MYO9A: variants seen among roughly 807,000 people sequenced by gnomAD.
MYO9A encodes the protein unconventional myosin-IXa.
A neutral mutation model predicts 293.3 loss-of-function variants in MYO9A; 103 were observed. The ratio of observed to expected loss-of-function variants is 0.35; its 90% CI spans 0.30 to 0.41. The LOEUF is 0.41. Among genes scored for constraint, MYO9A ranks in the 10% least tolerant of loss-of-function variants. The probability of loss-of-function intolerance (pLI) is 1.00; values close to 1 mark genes in which losing one functional copy is unlikely to be tolerated. For synonymous variants in MYO9A, 1,001 were observed against 1,035.7 expected (o/e 0.97, Z 0.64); for missense variants, 2,685 against 3,033.0 (o/e 0.89, Z 2.69).
chr15:72,023,559 G>A (rs1202281689), intron 4 of MYO9A, among the ~76,000 whole-genome samples: 2 of 152,016 alleles, frequency 1.3e-5, no homozygotes, highest in Non-Finnish European at 2.9e-5. Flanking sequence ...GCTGGGCATG[G>A]TGGCAGGCAC....
intron 18 of MYO9A, among the ~76,000 whole-genome samples, chr15:71,924,262 G>A (rs545497921): frequency 2.0e-5 from 3 of 151,708 alleles, no homozygotes; most frequent in South Asian, 4.2e-4. Context: ...TTATTTTTGA[G>A]ATGGAGTCTC....
At chr15:71,956,326 A>AT (rs1371050523) in intron 14 of MYO9A, among the ~76,000 whole-genome samples, 4 of 9,902 alleles carry the variant, frequency 4.0e-4, no homozygotes, top group South Asian at 7.6e-3. Context: ...AAAAAAAAAA[A>AT]AAAAATATAT....
At position 71,898,119 on chromosome 15, in the gene MYO9A, C is replaced by T. The variant is rs752228661; in HGVS notation, c.4384G>A (p.Glu1462Lys). The T allele has an allele frequency of 6.8e-6, 11 of 1,614,088 alleles. No homozygotes were observed. The highest frequency in any genetic ancestry group is 9.3e-6 in the Non-Finnish European group (11 of 1,180,016). Residue 1462 changes from glutamate to lysine, a missense_variant, in exon 25 of 42, where the codon GAA becomes AAA. Glu to Lys is a moderately conservative substitution (Grantham distance 56). Around this residue, in one of 10 missense-constraint regions of MYO9A, gnomAD observed 1,434 missense variants for 1,497.7 expected, o/e 0.96. Coordinates refer to ENST00000356056, the MANE Select transcript of MYO9A (RefSeq NM_006901.4). ...GEALTLDINRETRRYHCSGKD... is the reference protein window; with the variant it reads ...GEALTLDINRKTRRYHCSGKD... ...CCTGAGCAGTGATACCTTCTAGTTT[C>T]CCTGTTGATATCCAAAGTAAGAGCT...
At chr15:71,955,233 T>C (rs149350083) in intron 14 of MYO9A, among the ~76,000 whole-genome samples, 2,419 of 152,202 alleles carry the variant, frequency 0.016, 73 homozygotes, top group African/African-American at 0.056. Context: ...ATTCAAGCTA[T>C]TCTCCTGCCT....
Position 72,019,080 on chromosome 15 carries a change from G to C in MYO9A, c.1114C>G (p.Leu372Val), listed in dbSNP as rs551250623. Residue 372 changes from leucine to valine, a missense_variant, in exon 6 of 42, where the codon CTC becomes GTC. Leu to Val is a conservative substitution (Grantham distance 32). This residue lies in a region of MYO9A where 289 missense variants were observed against 456.8 expected (regional missense o/e 0.63). Transcript: ENST00000356056. Reference sequence around the variant, plus strand: ...CAATAATCATCCCAGCTCTGTCTGAGGGGTTTCTTTGTTATCTGAAAGTAA... The same window carrying C: ...CAATAATCATCCCAGCTCTGTCTGACGGGTTTCTTTGTTATCTGAAAGTAA... ...HYLNQITKKP[L>V]RQSWDDYCYD... is the part of the protein sequence containing the mutation. The C allele has an allele frequency of 2.5e-6, 4 of 1,613,768 alleles. No homozygotes were observed. The African/African-American group carries it at 4.0e-5, about 16-fold the overall frequency.
intron 38 of MYO9A, 52 bp from the exon 39 acceptor site, chr15:71,849,020 T>G (rs376009938): frequency 5.5e-5 from 82 of 1,495,200 alleles, no homozygotes; most frequent in Non-Finnish European, 7.0e-5. Flanking sequence ...GTAAATAAAG[T>G]ATAGCACTCA....
At position 72,021,290 on chromosome 15, in the gene MYO9A, A is replaced by T. The variant is rs548735589; in HGVS notation, c.999-273T>A. Among the ~76,000 whole-genome samples, 8 of 152,320 alleles carry T rather than the reference A, an allele frequency of 5.3e-5. No homozygotes were observed. In the South Asian group the frequency reaches 1.7e-3, roughly 32 times the overall value. On this transcript the variant is annotated intron_variant, in intron 4 of 41. Coordinates refer to ENST00000356056, the MANE Select transcript of MYO9A (RefSeq NM_006901.4). ...CATAAAACCAATGAGAAATCTGGCA[A>T]ATCTGTCATAATTAACCTTTTCAGA...
rs1482585283 is a variant in MYO9A, at chr15:71,851,299, G to A, written c.6535C>T (p.Arg2179Ter). ...CGTTCCAGTGTATTGAGATGAGTTC[G>A]GGAGAGTTGATCAATCACAGAGTAT... ...GVYSVIDQLS[R>*]THLNTLERLI... The change falls in exon 37 of 42, where the codon CGA (arginine) becomes TGA (stop). Residue 2179 changes from arginine (R) to a stop codon, truncating the protein, a stop_gained. Transcript: ENST00000356056. LOFTEE classifies it high-confidence loss of function. 5 of 1,613,814 alleles carry A rather than the reference G, an allele frequency of 3.1e-6. No individual in the cohort carries two copies. Among genetic ancestry groups the A allele is most frequent in the Non-Finnish European group, 4.2e-6 (5 of 1,179,934 alleles).
chr15:71,975,390 CGTGTGTGTGTGTGTGTGTGT>C lies in MYO9A; in HGVS notation c.1844+2761_1844+2780del, dbSNP rs57800508. ...CCTTTGGCCTATGACGTGATTTTAT[CGTGTGTGTGTGTGTGTGTGT>C]GTGTGTGTGTGTGTGTGTAGGTTTT... On this transcript the variant is annotated intron_variant, in intron 12 of 41. Transcript: ENST00000356056. Among the ~76,000 whole-genome samples the C allele has an allele frequency of 3.1e-4, 27 of 86,686 alleles. 2 individuals carry two copies. The highest frequency in any genetic ancestry group is 3.2e-4 in the Non-Finnish European group (15 of 46,332). 56.9% of individuals were successfully genotyped at this position (86,686 alleles called of 152,430 possible).
chr15:71,971,958 C>T (rs1433585840), intron 12 of MYO9A, among the ~76,000 whole-genome samples: 1 of 152,086 alleles, frequency 6.6e-6, no homozygotes, highest in African/African-American at 2.4e-5. Context: ...TTCTGTCCTC[C>T]TTTTACCTGC....
At chr15:71,983,775 GC>G (rs1240437685) in intron 11 of MYO9A, among the ~76,000 whole-genome samples, 2 of 152,038 alleles carry the variant, frequency 1.3e-5, no homozygotes, top group Admixed American at 1.3e-4. Flanking sequence ...GAGCCACCAC[GC>G]CCAGCCTAAA....
In MYO9A at chr15:72,018,628, C is replaced by T. The variant is rs979388356; in HGVS notation, c.1155+411G>A. Reference sequence around the variant, plus strand: ...GTTGATATATAAAACATAAAGAATGCAATTTTTTGAAATAAACAATAATTA... The same window carrying T: ...GTTGATATATAAAACATAAAGAATGTAATTTTTTGAAATAAACAATAATTA... On this transcript the variant is annotated intron_variant, in intron 6 of 41. Coordinates refer to ENST00000356056, the MANE Select transcript of MYO9A (RefSeq NM_006901.4). Among the ~76,000 whole-genome samples the T allele has an allele frequency of 3.1e-4, 47 of 151,804 alleles. 1 individual carries two copies. The highest frequency in any genetic ancestry group is 3.0e-3 in the Admixed American group (45 of 15,230).
chr15:72,085,222 G>A (rs1440585018), intron 1 of MYO9A, among the ~76,000 whole-genome samples: 4 of 151,928 alleles, frequency 2.6e-5, no homozygotes, highest in Admixed American at 1.3e-4. Flanking sequence ...GTAAAGCCCC[G>A]TCTCTACTAA....
At chr15:72,035,733 A>C (rs1332748472) in intron 2 of MYO9A, among the ~76,000 whole-genome samples, 3 of 152,210 alleles carry the variant, frequency 2.0e-5, no homozygotes, top group Non-Finnish European at 4.4e-5. Flanking sequence ...GAAGTCTAGA[A>C]GGTCGAGGCA....
intron 2 of MYO9A, among the ~76,000 whole-genome samples, chr15:72,043,389 T>C (rs1272772888): frequency 6.6e-6 from 1 of 152,116 alleles, no homozygotes; most frequent in Non-Finnish European, 1.5e-5. Flanking sequence ...AAAAAATGCA[T>C]ATGTCTACAT....
intron 1 of MYO9A, among the ~76,000 whole-genome samples, chr15:72,096,458 C>T (rs1405528067): frequency 6.6e-6 from 1 of 152,192 alleles, no homozygotes; most frequent in African/African-American, 2.4e-5. Flanking sequence ...TTAAGCCCAC[C>T]GTTGAGACCT....
At chr15:71,891,804 TA>T (rs1206842182) in intron 26 of MYO9A, 1 of 152,206 alleles carries the variant, frequency 6.6e-6, no homozygotes, top group East Asian at 1.9e-4. Flanking sequence ...AAACTGGGTC[TA>T]CCTCCAACAA....
intron 27 of MYO9A, among the ~76,000 whole-genome samples, chr15:71,885,864 T>G (rs1442824513): frequency 1.3e-5 from 2 of 152,128 alleles, no homozygotes; most frequent in East Asian, 3.9e-4. Flanking sequence ...ATCTCTTCCA[T>G]TTCTTCATTT....
chr15:71,991,774 G>T (rs1270115203), intron 10 of MYO9A, among the ~76,000 whole-genome samples: 2 of 152,136 alleles, frequency 1.3e-5, no homozygotes, highest in Non-Finnish European at 2.9e-5. Context: ...TTATTTTTGA[G>T]ACGGAGTCTC....
Sources: gnomAD v4.1 joint callset for allele counts (sites outside exome capture counted in the v4.1 genomes callset) on GRCh38, gnomAD v4.1.1 for gene constraint, gnomAD v4.1.1 regional missense constraint, MANE v1.5 for transcripts, NCBI Gene and HGNC (gene_info 2026-07-23, HGNC 2026-07-21) for gene names.